Variants in DEF8 observed in about 807,000 individuals in gnomAD.
The protein encoded by DEF8 is DEF-8.
Under a neutral mutation model 59.1 loss-of-function variants are expected in DEF8, and 38 were observed. The ratio of observed to expected loss-of-function variants is 0.64; its 90% CI spans 0.50 to 0.84. The LOEUF (loss-of-function observed/expected upper bound fraction) is 0.84. Ranked by LOEUF, DEF8 falls within the 40% of genes least tolerant of loss-of-function variation. The probability of loss-of-function intolerance (pLI) is 0.00; values close to 1 mark genes in which losing one functional copy is unlikely to be tolerated. For missense variants in DEF8, 557 were observed against 615.2 expected, an observed-to-expected ratio of 0.91 and a Z score of 1.00; for synonymous variants, 265 against 250.1, an observed-to-expected ratio of 1.06 and a Z score of -0.56.
Position 89,965,976 on chromosome 16 carries a change from G to C in DEF8, c.*13G>C. 6.2e-7 allele frequency: 1 copy of C among 1,602,050 alleles called. No individual in the cohort carries two copies. The highest frequency in any genetic ancestry group is 1.1e-5 in the South Asian group (1 of 90,382). Reference sequence around the variant, plus strand: ...TGTGGAGGCCTAGCGCCGAGGAACAGTGCTGGGCACCCCGCCTGGCCCGCC... The same window carrying C: ...TGTGGAGGCCTAGCGCCGAGGAACACTGCTGGGCACCCCGCCTGGCCCGCC... On this transcript the variant is annotated 3_prime_UTR_variant, in exon 13 of 13. Transcript: ENST00000563594.
At position 89,963,443 on chromosome 16, in the gene DEF8, G is replaced by A. The variant is rs1279306105; in HGVS notation, c.1002G>A (p.Gln334=). Reference sequence around the variant, plus strand: ...CCATGGAGGCTCGTCTGCTGCTGCAGGTCAGACTGCCAGCAGGACTGGCCC... The same window carrying A: ...CCATGGAGGCTCGTCTGCTGCTGCAAGTCAGACTGCCAGCAGGACTGGCCC... ...REAMEARLLL[Q]LQDRQHFVEN... The change falls in exon 10 of 13, where the codon CAG becomes CAA. Residue 334 remains glutamine (Q), a splice_region_variant and synonymous_variant. Transcript: ENST00000563594. 2 of 1,613,000 alleles carry A rather than the reference G, an allele frequency of 1.2e-6. No homozygotes were observed. The highest frequency in any genetic ancestry group is 2.2e-5 in the South Asian group (2 of 91,020).
At chr16:89,949,598 C>G (rs991132653) in intron 2 of DEF8, 85 bp downstream of exon 2, 2 of 1,613,078 alleles carry the variant, frequency 1.2e-6, no homozygotes, top group Non-Finnish European at 1.7e-6. Flanking sequence ...GATGACACCG[C>G]TTCCTGGTGG....
intron 2 of DEF8, among the ~76,000 whole-genome samples, chr16:89,953,727 C>T (rs576089538): frequency 2.2e-4 from 33 of 152,328 alleles, no homozygotes; most frequent in African/African-American, 7.0e-4. Flanking sequence ...GTGTCCAACC[C>T]TAAGTCCTGA....
Position 89,960,977 on chromosome 16 carries a change from G to T in DEF8, c.561G>T (p.Lys187Asn). The change falls in exon 7 of 13, where the codon AAG becomes AAT. Residue 187 changes from lysine to asparagine, a missense_variant. Lys to Asn is a moderately conservative substitution (Grantham distance 94). Transcript: ENST00000563594. ...CHSKCLNLIS[K>N]PCVSSKVSHQ... ...GTAAGTGCTTGAACCTCATCTCCAA[G>T]CCCTGTGTGAGCTCCAAAGTCAGCC... The T allele has an allele frequency of 6.2e-7, 1 of 1,614,134 alleles. No homozygotes were observed. The highest frequency in any genetic ancestry group is 8.5e-7 in the Non-Finnish European group (1 of 1,180,004).
At position 89,961,996 on chromosome 16, in the gene DEF8, C is replaced by T. The variant is rs375074850; in HGVS notation, c.808-16C>T. On this transcript the variant is annotated splice_polypyrimidine_tract_variant and intron_variant, in intron 8 of 12. Coordinates refer to ENST00000563594, the MANE Select transcript of DEF8 (RefSeq NM_001242818.2). ...CTGGGTGGGTGTGAGAGGTGTCACC[C>T]GGCCGTGCCTGGCAGGTTTCTCGCT... 3,431 of 1,613,284 alleles carry T rather than the reference C, an allele frequency of 2.1e-3. 100 individuals are homozygous for T. The South Asian group carries it at 0.035, about 16-fold the overall frequency.
intron 6 of DEF8, among the ~76,000 whole-genome samples, chr16:89,959,638 G>A (rs1221752078): frequency 1.3e-5 from 2 of 152,210 alleles, no homozygotes; most frequent in Non-Finnish European, 2.9e-5. Context: ...GGGACTACAG[G>A]TGCCCGCCAC....
intron 2 of DEF8, among the ~76,000 whole-genome samples, chr16:89,949,913 G>A (rs79570173): frequency 6.6e-6 from 1 of 152,198 alleles, no homozygotes; most frequent in African/African-American, 2.4e-5. Context: ...GCTCAGAGTC[G>A]GCCACTGTGG....
intron 1 of DEF8, 55 bp downstream of exon 1, chr16:89,948,869 A>C (rs1389626174): frequency 3.8e-6 from 2 of 530,874 alleles, no homozygotes; most frequent in Non-Finnish European, 4.3e-6. Context: ...GCCGGCGGGG[A>C]CGGGGCCGGC....
chr16:89,955,259 G>T lies in DEF8; in HGVS notation c.215G>T (p.Arg72Leu). 3 of 1,613,522 alleles carry T rather than the reference G, an allele frequency of 1.9e-6. No homozygotes were observed. The highest frequency in any genetic ancestry group is 2.5e-6 in the Non-Finnish European group (3 of 1,179,748). The change falls in exon 4 of 13, where the codon CGC becomes CTC. Residue 72 changes from arginine to leucine, a missense_variant. Physicochemically the swap from Arg to Leu is moderately radical, Grantham distance 102. Transcript: ENST00000563594. Reference sequence around the variant, plus strand: ...GGCCTGTCTGAGGACCACTTCTCCCGCCCTGTGGTAAGGTTTTAGATCTCG... The same window carrying T: ...GGCCTGTCTGAGGACCACTTCTCCCTCCCTGTGGTAAGGTTTTAGATCTCG... Reference protein sequence around the residue: ...DLGLSEDHFSRPVGLFLASDV... With the variant: ...DLGLSEDHFSLPVGLFLASDV...
intron 10 of DEF8, 82 bp downstream of exon 10, chr16:89,963,525 C>G: frequency 8.0e-7 from 1 of 1,243,936 alleles, no homozygotes; most frequent in Non-Finnish European, 1.1e-6. Context: ...TTTTTCCGGA[C>G]AGCTTGTGCG....
intron 2 of DEF8, among the ~76,000 whole-genome samples, chr16:89,952,882 T>G (rs557763384): frequency 5.9e-5 from 9 of 152,304 alleles, no homozygotes; most frequent in Non-Finnish European, 1.3e-4. Context: ...TCTTGCCCAG[T>G]TGCAGGGCAG....
At position 89,963,655 on chromosome 16, in the gene DEF8, T is replaced by A. The variant is rs563763215; in HGVS notation, c.1002+212T>A. On this transcript the variant is annotated intron_variant, in intron 10 of 12. Coordinates refer to ENST00000563594, the MANE Select transcript of DEF8 (RefSeq NM_001242818.2). ...TTTGGCAAACCCTGCAGCCCTTATG[T>A]GAATCTCCATGGGGTGGGTCCAGCC... is the stretch of plus-strand genomic sequence containing the variant. 13 of 567,400 alleles carry A rather than the reference T, an allele frequency of 2.3e-5. No individual in the cohort carries two copies. The East Asian group carries it at 3.8e-4, about 17-fold the overall frequency. 35.1% of individuals were successfully genotyped at this position (567,400 alleles called of 1,614,324 possible). A position where few individuals can be genotyped will look rare whatever the true frequency, so the allele number is the denominator to read the frequency against.
rs1483173384 is a variant in DEF8, at chr16:89,959,147, C to G, written c.506C>G (p.Thr169Ser). Residue 169 changes from threonine (T) to serine (S), a missense_variant, in exon 6 of 13, where the codon ACC (threonine) becomes AGC (serine). By Grantham distance (58) the Thr-to-Ser change is moderately conservative. Transcript: ENST00000563594. ...TGGGGGCTCATTCAGACCTGGTACACCTGCACAGGTGGGCCGAGACCCAGA... is the reference window on the plus strand; with the variant it reads ...TGGGGGCTCATTCAGACCTGGTACAGCTGCACAGGTGGGCCGAGACCCAGA... ...IIWGLIQTWY[T>S]CTGCYYRCHS... 2 of 1,613,900 alleles carry G rather than the reference C, an allele frequency of 1.2e-6. No homozygotes were observed. The highest frequency in any genetic ancestry group is 1.7e-6 in the Non-Finnish European group (2 of 1,180,002).
chr16:89,961,247 G>C, intron 7 of DEF8, 152 bp downstream of exon 7: 1 of 1,111,532 alleles, frequency 9.0e-7, no homozygotes. Flanking sequence ...AGGGTCTGTT[G>C]CTGCCATTGT....
At chr16:89,961,890 C>T in intron 8 of DEF8, 26 bp downstream of exon 8, 14 of 1,597,376 alleles carry the variant, frequency 8.8e-6, no homozygotes, top group Non-Finnish European at 1.2e-5. Context: ...TGGGGGCATC[C>T]CCCTGGGGAG....
At chr16:89,950,004 C>G in intron 2 of DEF8, 1 of 1,047,080 alleles carries the variant, frequency 9.6e-7, no homozygotes, top group South Asian at 3.8e-5. Flanking sequence ...TGCCCGTGCG[C>G]CAGGCCTGGG....
At chr16:89,953,600 C>A (rs904454774) in intron 2 of DEF8, among the ~76,000 whole-genome samples, 1 of 152,188 alleles carries the variant, frequency 6.6e-6, no homozygotes, top group African/African-American at 2.4e-5. Flanking sequence ...TTGTAGGGGG[C>A]TTCTCTGTGT....
chr16:89,961,222 C>T, intron 7 of DEF8, 127 bp downstream of exon 7: 1 of 1,229,112 alleles, frequency 8.1e-7, no homozygotes, highest in Non-Finnish European at 1.1e-6. Flanking sequence ...TGCTTGATAT[C>T]TTTAGGAAGT....
At position 89,967,500 on chromosome 16, in the gene DEF8, G is replaced by T. The variant is rs563484678; in HGVS notation, c.*1537G>T. The T allele has an allele frequency of 5.5e-5, 22 of 398,656 alleles. 1 individual carries two copies. The South Asian group carries it at 2.5e-3, about 46-fold the overall frequency. The allele number at this position is 398,656 out of a possible 1,614,324, so 24.7% of individuals were successfully genotyped here. A position where few individuals can be genotyped will look rare whatever the true frequency, so the allele number is the denominator to read the frequency against. ...CCCCATCTGGAAAATGGGGGCAGGG[G>T]TCCTGACCTACCTCAGGTGGAACGG... On this transcript the variant is annotated 3_prime_UTR_variant, in exon 13 of 13. Coordinates refer to ENST00000563594, the MANE Select transcript of DEF8 (RefSeq NM_001242818.2).
Sources: allele counts gnomAD v4.1 joint callset (sites outside exome capture counted in the v4.1 genomes callset), GRCh38; gene constraint gnomAD v4.1.1; transcripts MANE v1.5; gene names NCBI Gene and HGNC (gene_info 2026-07-23, HGNC 2026-07-21).